Variants in FHOD3 observed in about 807,000 individuals in gnomAD.
FHOD3 encodes formin homology 2 domain containing 3.
FHOD3 carries 90 observed loss-of-function variants against 173.0 expected under a neutral mutation model. The ratio of observed to expected loss-of-function variants is 0.52; its 90% CI spans 0.44 to 0.62. FHOD3 has a LOEUF of 0.62. Among genes scored for constraint, FHOD3 ranks in the 20% least tolerant of loss-of-function variants. The pLI is 0.00. For synonymous variants in FHOD3, 828 were observed against 823.0 expected (o/e 1.01, Z -0.10); for missense variants, 1,945 against 2,034.7 (o/e 0.96, Z 0.85).
Position 36,658,193 on chromosome 18 carries a change from G to A in FHOD3, c.1835+5G>A. The A allele has an allele frequency of 6.4e-7, 1 of 1,572,872 alleles. No homozygotes were observed. The highest frequency in any genetic ancestry group is 2.4e-5 in the East Asian group (1 of 41,078). On this transcript the variant is annotated splice_donor_5th_base_variant and intron_variant, in intron 14 of 28. Coordinates refer to ENST00000590592, the MANE Select transcript of FHOD3 (RefSeq NM_001281740.3). ...ACAGGAGGCCAGGTTGGAAAGGTGA[G>A]TTCGACAAGCACGCTGATAGCTTCA...
At chr18:36,572,122 A>G (rs116465758) in intron 5 of FHOD3, among the ~76,000 whole-genome samples, 1,624 of 152,290 alleles carry the variant, frequency 0.011, 18 homozygotes, top group African/African-American at 0.037. Context: ...TTTTGAGATG[A>G]AGAAACTGAA....
chr18:36,466,196 G>A (rs773401471), intron 3 of FHOD3, among the ~76,000 whole-genome samples: 5 of 152,144 alleles, frequency 3.3e-5, no homozygotes, highest in South Asian at 2.1e-4. Flanking sequence ...AGGCTATCCC[G>A]CAGAGACATG....
Position 36,775,142 on chromosome 18 carries a change from T to C in FHOD3, c.4787-4306T>C, listed in dbSNP as rs1406254550. ...TTTAAGGCATCTTGAAGTTCTGATGTTAGTCAACTAGACTCCTAGACACAT... is the reference window on the plus strand; with the variant it reads ...TTTAAGGCATCTTGAAGTTCTGATGCTAGTCAACTAGACTCCTAGACACAT... On this transcript the variant is annotated intron_variant, in intron 28 of 28. Coordinates refer to ENST00000590592, the MANE Select transcript of FHOD3 (RefSeq NM_001281740.3). Among the ~76,000 whole-genome samples the C allele has an allele frequency of 3.3e-5, 5 of 152,192 alleles. No homozygotes were observed. In the South Asian group the frequency reaches 8.3e-4, roughly 25 times the overall value.
intron 1 of FHOD3, among the ~76,000 whole-genome samples, chr18:36,330,746 G>A (rs552248425): frequency 2.0e-5 from 3 of 152,294 alleles, no homozygotes; most frequent in African/African-American, 7.2e-5. Context: ...TTATGGGCAC[G>A]GTCTTTTCCC....
intron 22 of FHOD3, among the ~76,000 whole-genome samples, chr18:36,743,642 TA>T (rs2042016000): frequency 6.6e-6 from 1 of 152,200 alleles, no homozygotes; most frequent in African/African-American, 2.4e-5. Context: ...ACCCATCACC[TA>T]GGTATTAAGC....
At chr18:36,444,672 T>C (rs1568280077) in intron 3 of FHOD3, among the ~76,000 whole-genome samples, 1 of 152,236 alleles carries the variant, frequency 6.6e-6, no homozygotes, top group Non-Finnish European at 1.5e-5. Context: ...CATTGCCTTT[T>C]TTAACACAAA....
chr18:36,548,127 G>A (rs1018967844), intron 5 of FHOD3, among the ~76,000 whole-genome samples: 12 of 152,228 alleles, frequency 7.9e-5, no homozygotes, highest in Admixed American at 2.0e-4. Context: ...AGGAGGCGGA[G>A]GTTGCAGTGA....
intron 10 of FHOD3, among the ~76,000 whole-genome samples, chr18:36,642,158 C>A (rs1292493813): frequency 1.3e-5 from 2 of 151,524 alleles, no homozygotes; most frequent in Non-Finnish European, 2.9e-5. Flanking sequence ...ATGGGAGGAA[C>A]GAGAGGAAGA....
At chr18:36,298,781 T>C (rs1191730537) in intron 1 of FHOD3, among the ~76,000 whole-genome samples, 1 of 151,910 alleles carries the variant, frequency 6.6e-6, no homozygotes, top group African/African-American at 2.4e-5. Context: ...TTATTTGTTA[T>C]TTTTATTTAA....
intron 14 of FHOD3, among the ~76,000 whole-genome samples, chr18:36,663,332 G>C (rs751884479): frequency 6.6e-5 from 10 of 152,082 alleles, no homozygotes; most frequent in Admixed American, 1.3e-4. Flanking sequence ...TTTATGCATC[G>C]GTGTGTTCAA....
chr18:36,745,862 C>G (rs1445703578), intron 23 of FHOD3, among the ~76,000 whole-genome samples: 2 of 151,614 alleles, frequency 1.3e-5, no homozygotes, highest in Non-Finnish European at 2.9e-5. Context: ...CTCCACGCAC[C>G]TCGTGCTCAA....
At chr18:36,662,178 T>C (rs2036855624) in intron 14 of FHOD3, among the ~76,000 whole-genome samples, 1 of 152,246 alleles carries the variant, frequency 6.6e-6, no homozygotes, top group Non-Finnish European at 1.5e-5. Context: ...TTCCCTTCCC[T>C]GTAGTGACAT....
At chr18:36,527,819 T>C (rs2056597115) in intron 5 of FHOD3, among the ~76,000 whole-genome samples, 1 of 128,042 alleles carries the variant, frequency 7.8e-6, no homozygotes, top group African/African-American at 2.6e-5. Context: ...TATATTTGAG[T>C]GACATGGAAT....
chr18:36,483,696 T>TTAAAGG, intron 3 of FHOD3, among the ~76,000 whole-genome samples: 1 of 152,340 alleles, frequency 6.6e-6, no homozygotes, highest in Non-Finnish European at 1.5e-5. Context: ...AAAGGGTGGA[T>TTAAAGG]GTATGTGCCT....
At chr18:36,643,138 T>G (rs2035451476) in intron 10 of FHOD3, among the ~76,000 whole-genome samples, 1 of 152,122 alleles carries the variant, frequency 6.6e-6, no homozygotes, top group Non-Finnish European at 1.5e-5. Context: ...TTTTTTCCCT[T>G]CAGAGGGCAT....
intron 28 of FHOD3, among the ~76,000 whole-genome samples, chr18:36,774,278 C>T (rs1338895018): frequency 6.6e-6 from 1 of 152,220 alleles, no homozygotes; most frequent in Non-Finnish European, 1.5e-5. Context: ...ATGGGCTGGG[C>T]TCTGCAAGGC....
intron 3 of FHOD3, among the ~76,000 whole-genome samples, chr18:36,416,484 C>G (rs766452205): frequency 7.2e-5 from 11 of 152,240 alleles, no homozygotes; most frequent in Non-Finnish European, 1.0e-4. Flanking sequence ...ACACAGTTGC[C>G]TGAATGAGCC....
chr18:36,546,554 T>C (rs552365729), intron 5 of FHOD3, among the ~76,000 whole-genome samples: 1 of 152,182 alleles, frequency 6.6e-6, no homozygotes, highest in Non-Finnish European at 1.5e-5. Context: ...TGAGCGACTC[T>C]AGGAAGTTCC....
chr18:36,485,696 A>G (rs543076514), intron 3 of FHOD3, among the ~76,000 whole-genome samples: 6 of 152,240 alleles, frequency 3.9e-5, no homozygotes, highest in South Asian at 2.1e-4. Context: ...AGCATGATAC[A>G]TAATGGACAA....
Sources: allele counts gnomAD v4.1 joint callset (sites outside exome capture counted in the v4.1 genomes callset), GRCh38; gene constraint gnomAD v4.1.1; transcripts MANE v1.5; gene names NCBI Gene and HGNC (gene_info 2026-07-23, HGNC 2026-07-21).